Variants in GPC6 observed in about 807,000 individuals in gnomAD.
GPC6 encodes the protein glypican-6.
GPC6 carries 14 observed loss-of-function variants against 55.2 expected under a neutral mutation model. The ratio of observed to expected loss-of-function variants is 0.25; its 90% confidence interval spans 0.17 to 0.40. The LOEUF is 0.40. Among genes scored for constraint, GPC6 ranks in the 10% least tolerant of loss-of-function variants. The probability of loss-of-function intolerance (pLI) is 1.00; values close to 1 mark genes in which losing one functional copy is unlikely to be tolerated. For missense variants in GPC6, 641 were observed against 708.5 expected, an observed-to-expected ratio of 0.90 and a Z score of 1.08; for synonymous variants, 278 against 259.6, an observed-to-expected ratio of 1.07 and a Z score of -0.68.
At chr13:93,711,164 A>G (rs551603859) in intron 2 of GPC6, among the ~76,000 whole-genome samples, 1 of 151,936 alleles carries the variant, frequency 6.6e-6, no homozygotes, top group African/African-American at 2.4e-5. Context: ...TACATCTGAA[A>G]GAAGAGATGA....
intron 4 of GPC6, among the ~76,000 whole-genome samples, chr13:94,198,219 A>T (rs953801225): frequency 6.6e-6 from 1 of 152,336 alleles, no homozygotes; most frequent in African/African-American, 2.4e-5. Flanking sequence ...TGGTGGTCAC[A>T]GGTTGTATAT....
intron 3 of GPC6, among the ~76,000 whole-genome samples, chr13:93,991,437 CTTTG>C (rs1044820572): frequency 1.1e-4 from 16 of 152,052 alleles, no homozygotes; most frequent in African/African-American, 3.9e-4. Context: ...CTATTTTATC[CTTTG>C]TTTGAGAGTA....
At chr13:94,225,913 T>C (rs994275441) in intron 4 of GPC6, among the ~76,000 whole-genome samples, 12 of 152,192 alleles carry the variant, frequency 7.9e-5, no homozygotes, top group African/African-American at 2.7e-4. Context: ...GTTCTTCTAC[T>C]ACCCACTGTC....
intron 2 of GPC6, among the ~76,000 whole-genome samples, chr13:93,760,083 A>G (rs144102267): frequency 3.3e-5 from 5 of 152,248 alleles, no homozygotes; most frequent in Middle Eastern, 3.4e-3. Context: ...GTGCCACACA[A>G]TGTAATAAGT....
intron 1 of GPC6, among the ~76,000 whole-genome samples, chr13:93,366,482 T>C (rs1881253329): frequency 1.3e-5 from 2 of 152,084 alleles, no homozygotes; most frequent in African/African-American, 4.8e-5. Context: ...TCATTGCAGC[T>C]CAATTTCCTT....
chr13:93,700,981 A>G (rs917196143), intron 2 of GPC6, among the ~76,000 whole-genome samples: 1 of 152,146 alleles, frequency 6.6e-6, no homozygotes, highest in Non-Finnish European at 1.5e-5. Context: ...TTTTTTGCAG[A>G]GATCAAATGT....
Position 93,500,016 on chromosome 13 carries a change from C to T in GPC6, c.161-45247C>T, listed in dbSNP as rs148081828. Among the ~76,000 whole-genome samples, 54 of 152,284 alleles carry T rather than the reference C, an allele frequency of 3.5e-4. 2 individuals are homozygous for T. In the East Asian group the frequency reaches 8.1e-3, roughly 23 times the overall value. The stretch of plus-strand genomic sequence containing the variant: ...CAAGGCTCACTTGGCCCGTTTCTGC[C>T]GTGGAAAGTCATCACTCTTCAGTGC... On this transcript the variant is annotated intron_variant, in intron 1 of 8. Coordinates refer to ENST00000377047, the MANE Select transcript of GPC6 (RefSeq NM_005708.5).
At chr13:93,260,412 G>A (rs573539465) in intron 1 of GPC6, among the ~76,000 whole-genome samples, 2 of 152,116 alleles carry the variant, frequency 1.3e-5, no homozygotes, top group Non-Finnish European at 2.9e-5. Flanking sequence ...GTAAAATTTG[G>A]AAAAGAATCT....
intron 1 of GPC6, among the ~76,000 whole-genome samples, chr13:93,274,792 T>C (rs1877670672): frequency 6.6e-6 from 1 of 152,208 alleles, no homozygotes; most frequent in Non-Finnish European, 1.5e-5. Flanking sequence ...TTTTTGAAAT[T>C]TTCTGAATGA....
intron 2 of GPC6, among the ~76,000 whole-genome samples, chr13:93,766,078 C>G (rs1410229472): frequency 6.6e-6 from 1 of 152,124 alleles, no homozygotes; most frequent in Admixed American, 6.6e-5. Context: ...GTGGTGTTTG[C>G]AGTCATGTGC....
At chr13:93,720,483 A>G (rs1319385030) in intron 2 of GPC6, among the ~76,000 whole-genome samples, 1 of 151,654 alleles carries the variant, frequency 6.6e-6, no homozygotes, top group African/African-American at 2.4e-5. Context: ...TCTGGCTAGC[A>G]GTCCATCTAT....
At chr13:94,370,316 C>A (rs545212067) in intron 6 of GPC6, among the ~76,000 whole-genome samples, 1 of 152,286 alleles carries the variant, frequency 6.6e-6, no homozygotes, top group Admixed American at 6.5e-5. Context: ...GTGGTGTTCC[C>A]AGGGAGGGAA....
chr13:94,360,701 G>A (rs1428287756), intron 6 of GPC6, among the ~76,000 whole-genome samples: 1 of 152,158 alleles, frequency 6.6e-6, no homozygotes, highest in Non-Finnish European at 1.5e-5. Flanking sequence ...TTTCCAGAGT[G>A]CTATCCTCCT....
At chr13:93,776,625 A>G (rs773395618) in intron 2 of GPC6, among the ~76,000 whole-genome samples, 7 of 152,212 alleles carry the variant, frequency 4.6e-5, no homozygotes, top group Non-Finnish European at 1.0e-4. Flanking sequence ...GGAAAGAAAG[A>G]AAGAATATAT....
chr13:94,251,900 C>T lies in GPC6; in HGVS notation c.878-34449C>T, dbSNP rs573023549. Among the ~76,000 whole-genome samples the T allele has an allele frequency of 6.6e-5, 10 of 152,034 alleles. No homozygotes were observed. In the East Asian group the frequency reaches 7.8e-4, roughly 12 times the overall value. On this transcript the variant is annotated intron_variant, in intron 4 of 8. Coordinates refer to ENST00000377047, the MANE Select transcript of GPC6 (RefSeq NM_005708.5). ...ATCTGTCTCCTGCTGCAAAATCCAT[C>T]GACTATGCCTGTAGCTAGGTCTACA...
chr13:93,718,252 C>T (rs1883323546), intron 2 of GPC6, among the ~76,000 whole-genome samples: 1 of 152,028 alleles, frequency 6.6e-6, no homozygotes, highest in African/African-American at 2.4e-5. Context: ...TTCTATTTCT[C>T]CACATCCTCT....
At chr13:93,970,478 C>G (rs1880236473) in intron 3 of GPC6, among the ~76,000 whole-genome samples, 1 of 151,960 alleles carries the variant, frequency 6.6e-6, no homozygotes, top group African/African-American at 2.4e-5. Context: ...TATGCTTTTA[C>G]TGTTTATGTT....
intron 4 of GPC6, among the ~76,000 whole-genome samples, chr13:94,114,269 T>A (rs1305071595): frequency 6.6e-6 from 1 of 152,076 alleles, no homozygotes; most frequent in East Asian, 1.9e-4. Flanking sequence ...AATGGAATGT[T>A]TCTTGTCTTT....
chr13:93,802,079 T>A (rs1566543056), intron 2 of GPC6, among the ~76,000 whole-genome samples: 1 of 152,182 alleles, frequency 6.6e-6, no homozygotes, highest in Non-Finnish European at 1.5e-5. Flanking sequence ...CCCAGTAGTT[T>A]TATTTTTACT....
Sources: allele counts gnomAD v4.1 joint callset (sites outside exome capture counted in the v4.1 genomes callset), GRCh38; gene constraint gnomAD v4.1.1; transcripts MANE v1.5; gene names NCBI Gene and HGNC (gene_info 2026-07-23, HGNC 2026-07-21).